The following ZNF331 variants were observed in gnomAD, a reference collection of about 807,000 sequenced individuals.
ZNF331 encodes the protein C2H2-like zinc finger protein rearranged in thyroid adenomas.
A neutral mutation model predicts 7.0 loss-of-function variants in ZNF331; 2 were observed. The ratio of observed to expected loss-of-function variants is 0.29; its 90% CI spans 0.12 to 0.90. The LOEUF is 0.90. Ranked by LOEUF, ZNF331 falls within the 40% of genes least tolerant of loss-of-function variation. ZNF331 has a pLI of 0.58. For synonymous variants in ZNF331, 196 were observed against 205.4 expected, an observed-to-expected ratio of 0.95 and a Z score of 0.39; for missense variants, 432 against 587.7, an observed-to-expected ratio of 0.74 and a Z score of 2.74.
rs747963729 is a variant in ZNF331 at position 53,577,609 on chromosome 19, C to G, written c.1049C>G (p.Thr350Arg). Reference protein sequence around the residue: ...SSLVKHERIHTGEKPYKCTEC... With the variant: ...SSLVKHERIHRGEKPYKCTEC... Reference sequence around the variant, plus strand: ...CTCGTTAAGCACGAGAGGATACATACGGGCGAGAAGCCGTACAAGTGCACA... The same window carrying G: ...CTCGTTAAGCACGAGAGGATACATAGGGGCGAGAAGCCGTACAAGTGCACA... Residue 350 changes from threonine (T) to arginine (R), a missense_variant, in exon 6 of 6, where the codon ACG becomes AGG. Thr to Arg is a moderately conservative substitution (Grantham distance 71). This residue lies in a region of ZNF331 where 312 missense variants were observed against 448.6 expected (regional missense o/e 0.70). Coordinates refer to ENST00000449416, the MANE Select transcript of ZNF331 (RefSeq NM_001079906.2). The G allele has an allele frequency of 6.2e-7, 1 of 1,613,534 alleles. No individual in the cohort carries two copies. The highest frequency in any genetic ancestry group is 8.5e-7 in the Non-Finnish European group (1 of 1,179,906).
intron 2 of ZNF331, among the ~76,000 whole-genome samples, chr19:53,546,582 G>C (rs1269134347): frequency 6.6e-6 from 1 of 151,818 alleles, no homozygotes; most frequent in East Asian, 1.9e-4. Context: ...GTTCATGTTA[G>C]CGCGCTTTAT....
chr19:53,525,789 G>A (rs529926750), intron 2 of ZNF331, among the ~76,000 whole-genome samples: 45 of 151,986 alleles, frequency 3.0e-4, no homozygotes, highest in Admixed American at 2.2e-3. Flanking sequence ...TTTTCTTTTT[G>A]TTGCCTAATT....
In ZNF331 at chr19:53,573,987, C is replaced by T. The variant is rs981780038; in HGVS notation, c.136+2257C>T. The stretch of plus-strand genomic sequence containing the variant: ...AATTAGCCGGTGTGCTGGTGTGCGC[C>T]TGTAATCCCAGCTACCCAGGAGACT... On this transcript the variant is annotated intron_variant, in intron 5 of 5. Coordinates refer to ENST00000449416, the MANE Select transcript of ZNF331 (RefSeq NM_001079906.2). The surrounding 1 kb of genome is among the most constrained non-coding windows in gnomAD (Gnocchi z 4.2). 3.3e-5 allele frequency among the ~76,000 whole-genome samples: 5 copies of T among 152,034 alleles called. No individual in the cohort carries two copies. The highest frequency in any genetic ancestry group is 4.8e-5 in the African/African-American group (2 of 41,408).
Position 53,579,893 on chromosome 19 carries a change from C to G in ZNF331, c.*1941C>G, listed in dbSNP as rs2090862503. ...ACTCTCATAGAAAATATAAAGAATC[C>G]CTCAAGTTGAAAAAAAAATCAATTT... On this transcript the variant is annotated 3_prime_UTR_variant, in exon 6 of 6. Coordinates refer to ENST00000449416, the MANE Select transcript of ZNF331 (RefSeq NM_001079906.2). 1 of 202,274 alleles carries G rather than the reference C, an allele frequency of 4.9e-6. No homozygotes were observed. The highest frequency in any genetic ancestry group is 1.0e-5 in the Non-Finnish European group (1 of 98,664). The allele number at this position is 202,274 out of a possible 1,614,324, so 12.5% of individuals were successfully genotyped here.
intron 3 of ZNF331, among the ~76,000 whole-genome samples, chr19:53,556,136 G>A (rs976191443): frequency 1.3e-5 from 2 of 151,170 alleles, no homozygotes; most frequent in African/African-American, 2.4e-5. Context: ...CCAGCTACTC[G>A]GGAGGCTGAG....
Position 53,571,827 on chromosome 19 carries a change from C to A in ZNF331, c.136+97C>A, listed in dbSNP as rs1301120722. On this transcript the variant is annotated intron_variant, in intron 5 of 5. Coordinates refer to ENST00000449416, the MANE Select transcript of ZNF331 (RefSeq NM_001079906.2). This position sits in a 1 kb window ranked among gnomAD's most constrained non-coding sequence, Gnocchi z 4.7. ...GCCTTTCAAGAAACTAGTTGAATTT[C>A]TTCTTCCTGTCCCCAAGGAATGTAT... 4 of 1,452,472 alleles carry A rather than the reference C, an allele frequency of 2.8e-6. No individual in the cohort carries two copies. Among genetic ancestry groups the A allele is most frequent in the Admixed American group, 4.5e-5 (2 of 44,324 alleles). 90.0% of individuals were successfully genotyped at this position (1,452,472 alleles called of 1,614,324 possible).
At chr19:53,509,951 C>T in the ZNF331 span, among the ~76,000 whole-genome samples, 1 of 152,136 alleles carries the variant, frequency 6.6e-6, no homozygotes, top group Admixed American at 6.5e-5. Flanking sequence ...AAGAAAAGCA[C>T]ACACTTCTAA....
intron 2 of ZNF331, among the ~76,000 whole-genome samples, chr19:53,524,983 G>A (rs756028886): frequency 5.3e-5 from 8 of 152,112 alleles, no homozygotes; most frequent in Non-Finnish European, 1.0e-4. Flanking sequence ...TTCTACATAT[G>A]GCTAGCCAGT....
At position 53,559,378 on chromosome 19, in the gene ZNF331, A is replaced by G. The variant is rs917576121; in HGVS notation, c.-74+3470A>G. 4.1e-5 allele frequency among the ~76,000 whole-genome samples: 5 copies of G among 123,040 alleles called. No homozygotes were observed. The South Asian group carries it at 8.6e-4, about 21-fold the overall frequency. 80.7% of individuals were successfully genotyped at this position (123,040 alleles called of 152,430 possible). ...ATACACACATATACACACACACCCC[A>G]TATATACACATACACACCTACATAT... On this transcript the variant is annotated intron_variant, in intron 3 of 5. Transcript: ENST00000449416.
chr19:53,507,394 C>A, the ZNF331 span, among the ~76,000 whole-genome samples: 1 of 152,040 alleles, frequency 6.6e-6, no homozygotes, highest in Admixed American at 6.6e-5. Context: ...CTCTACAAAA[C>A]CCCCCGAAAG....
At chr19:53,554,477 C>A (rs996116310) in intron 2 of ZNF331, 4 of 152,218 alleles carry the variant, frequency 2.6e-5, no homozygotes, top group African/African-American at 9.7e-5. Flanking sequence ...TGCGGGAGGC[C>A]CCTCCCGAGT....
At chr19:53,544,385 A>T (rs1422918139) in intron 2 of ZNF331, among the ~76,000 whole-genome samples, 2 of 149,112 alleles carry the variant, frequency 1.3e-5, no homozygotes, top group East Asian at 2.0e-4. Context: ...CTCTACTAAA[A>T]ATACAAAAAA....
chr19:53,542,782 G>C (rs1469532540), intron 2 of ZNF331, among the ~76,000 whole-genome samples: 2 of 152,142 alleles, frequency 1.3e-5, no homozygotes, highest in Admixed American at 1.3e-4. Flanking sequence ...GGTTAATATT[G>C]ATTACGCAGA....
chr19:53,506,971 G>A, the ZNF331 span, among the ~76,000 whole-genome samples: 39 of 152,112 alleles, frequency 2.6e-4, no homozygotes, highest in Non-Finnish European at 7.4e-5. Flanking sequence ...TGTGTGTCTC[G>A]GCAGGTGAGA....
chr19:53,558,596 A>T lies in ZNF331; in HGVS notation c.-74+2688A>T, dbSNP rs570140802. 1.3e-5 allele frequency among the ~76,000 whole-genome samples: 2 copies of T among 152,170 alleles called. No homozygotes were observed. The highest frequency in any genetic ancestry group is 2.1e-4 in the South Asian group (1 of 4,822). On this transcript the variant is annotated intron_variant, in intron 3 of 5. Coordinates refer to ENST00000449416, the MANE Select transcript of ZNF331 (RefSeq NM_001079906.2). This position sits in a 1 kb window ranked among gnomAD's most constrained non-coding sequence, Gnocchi z 4.5. ...CAGATTCTTCTTGGCCTCTCAGTGC[A>T]GCATTCCTTCCTACAGGTACAGGGC...
chr19:53,544,300 C>A (rs2088415743), intron 2 of ZNF331, among the ~76,000 whole-genome samples: 1 of 150,820 alleles, frequency 6.6e-6, no homozygotes, highest in Non-Finnish European at 1.5e-5. Context: ...AATCCCAGCA[C>A]TTTGGGAGGC....
chr19:53,572,493 T>C (rs565584088), intron 5 of ZNF331, among the ~76,000 whole-genome samples: 1 of 150,622 alleles, frequency 6.6e-6, no homozygotes, highest in African/African-American at 2.4e-5. Context: ...ACCCCATCGC[T>C]AAAACAATAA....
chr19:53,552,846 G>T (rs1351130576), intron 2 of ZNF331, among the ~76,000 whole-genome samples: 1 of 152,024 alleles, frequency 6.6e-6, no homozygotes, highest in Admixed American at 6.6e-5. Flanking sequence ...ACATATTGCC[G>T]TATGTATTAG....
chr19:53,572,526 T>G (rs2090495159), intron 5 of ZNF331, among the ~76,000 whole-genome samples: 1 of 138,538 alleles, frequency 7.2e-6, no homozygotes, highest in Admixed American at 7.3e-5. Flanking sequence ...ATATATATTT[T>G]ATATATATAC....
Sources: gnomAD v4.1 joint callset for allele counts (sites outside exome capture counted in the v4.1 genomes callset) on GRCh38, gnomAD v4.1.1 for gene constraint, gnomAD v4.1.1 regional missense constraint, Gnocchi (gnomAD v3.1) non-coding constraint, MANE v1.5 for transcripts, NCBI Gene and HGNC (gene_info 2026-07-23, HGNC 2026-07-21) for gene names.